SKAP1: variants seen among roughly 807,000 people sequenced by gnomAD.
SKAP1 encodes src kinase-associated phosphoprotein 1.
SKAP1 carries 44 observed loss-of-function variants against 58.5 expected under a neutral mutation model. The ratio of observed to expected loss-of-function variants is 0.75; its 90% CI spans 0.59 to 0.97. The LOEUF is 0.97. SKAP1 is among the 50% of genes least tolerant of loss of function. SKAP1 has a pLI of 0.00. For synonymous variants in SKAP1, 127 were observed against 149.7 expected, an observed-to-expected ratio of 0.85 and a Z score of 1.11; for missense variants, 390 against 435.2, an observed-to-expected ratio of 0.90 and a Z score of 0.92.
intron 2 of SKAP1, among the ~76,000 whole-genome samples, chr17:48,386,951 T>C (rs1319855402): frequency 1.3e-5 from 2 of 152,220 alleles, no homozygotes; most frequent in Non-Finnish European, 2.9e-5. Flanking sequence ...TATGGCAGCA[T>C]AGAACACTGG....
intron 11 of SKAP1, among the ~76,000 whole-genome samples, chr17:48,149,155 A>T (rs1236882197): frequency 6.6e-6 from 1 of 152,194 alleles, no homozygotes; most frequent in Admixed American, 6.5e-5. Context: ...CTCATTCAGG[A>T]CAAGTATACA....
At chr17:48,405,446 TTTCTTTTCTTTC>T (rs575992784) in intron 1 of SKAP1, among the ~76,000 whole-genome samples, 5,853 of 59,236 alleles carry the variant, frequency 0.099, 253 homozygotes, top group African/African-American at 0.17. Flanking sequence ...TCTTTCTTTC[TTTCTTTTCTTTC>T]TTTCTTTCCT....
At chr17:48,227,032 GT>G (rs1277817024) in intron 4 of SKAP1, among the ~76,000 whole-genome samples, 1 of 152,060 alleles carries the variant, frequency 6.6e-6, no homozygotes, top group Non-Finnish European at 1.5e-5. Flanking sequence ...TGGCTCTCTA[GT>G]TTTGGTTATT....
At chr17:48,137,825 C>G (rs751219047) in intron 11 of SKAP1, among the ~76,000 whole-genome samples, 1 of 152,188 alleles carries the variant, frequency 6.6e-6, no homozygotes, top group Non-Finnish European at 1.5e-5. Context: ...GCTTTGGAGT[C>G]AGACAGACTG....
At chr17:48,204,087 T>A (rs907462601) in intron 4 of SKAP1, 1 of 114,008 alleles carries the variant, frequency 8.8e-6, no homozygotes, top group East Asian at 6.0e-4. Flanking sequence ...ATTTTTTTCT[T>A]TTTTTTTTTT....
At chr17:48,187,577 G>C (rs1266888567) in intron 6 of SKAP1, among the ~76,000 whole-genome samples, 1 of 152,040 alleles carries the variant, frequency 6.6e-6, no homozygotes, top group Non-Finnish European at 1.5e-5. Context: ...ATTCAACTTT[G>C]ATAATGTGTT....
intron 4 of SKAP1, among the ~76,000 whole-genome samples, chr17:48,291,613 A>C (rs1398498523): frequency 6.6e-6 from 1 of 152,214 alleles, no homozygotes; most frequent in Non-Finnish European, 1.5e-5. Context: ...TGTTTACACC[A>C]AGTGCCATCT....
intron 4 of SKAP1, among the ~76,000 whole-genome samples, chr17:48,264,275 G>C (rs948368330): frequency 2.0e-5 from 3 of 148,020 alleles, no homozygotes; most frequent in Middle Eastern, 3.4e-3. Context: ...CACACACACA[G>C]AGATCAGAAA....
At chr17:48,138,418 G>A (rs1368392280) in intron 11 of SKAP1, among the ~76,000 whole-genome samples, 1 of 150,200 alleles carries the variant, frequency 6.7e-6, no homozygotes, top group African/African-American at 2.5e-5. Flanking sequence ...CTCCCAGGCT[G>A]GAGTGCAGTG....
chr17:48,175,068 G>A (rs1598396642), intron 9 of SKAP1, among the ~76,000 whole-genome samples: 1 of 152,162 alleles, frequency 6.6e-6, no homozygotes, highest in East Asian at 1.9e-4. Context: ...CTAATGAGAG[G>A]CTGAGAGGAA....
the SKAP1 span, among the ~76,000 whole-genome samples, chr17:48,442,310 AG>A: frequency 5.3e-5 from 8 of 152,208 alleles, no homozygotes; most frequent in African/African-American, 1.7e-4. Flanking sequence ...TATTTCTGGA[AG>A]AAATGGGTAG....
intron 8 of SKAP1, among the ~76,000 whole-genome samples, 175 bp downstream of exon 8, chr17:48,182,219 A>G (rs999455392): frequency 9.2e-5 from 14 of 152,230 alleles, no homozygotes; most frequent in African/African-American, 3.4e-4. Flanking sequence ...TACTGTCTTT[A>G]TCTTCTCATT....
chr17:48,381,771 G>A (rs1160786025), intron 2 of SKAP1, among the ~76,000 whole-genome samples: 1 of 152,176 alleles, frequency 6.6e-6, no homozygotes, highest in Non-Finnish European at 1.5e-5. Flanking sequence ...CAAGGTAAGT[G>A]TATTGTATAA....
intron 11 of SKAP1, among the ~76,000 whole-genome samples, chr17:48,142,387 G>A (rs1195132094): frequency 3.3e-5 from 5 of 152,100 alleles, no homozygotes; most frequent in South Asian, 2.1e-4. Flanking sequence ...GCTTGAACCC[G>A]GGAGGCGGAG....
intron 1 of SKAP1, among the ~76,000 whole-genome samples, chr17:48,423,133 C>T (rs891455846): frequency 2.6e-5 from 4 of 152,100 alleles, no homozygotes; most frequent in African/African-American, 7.2e-5. Flanking sequence ...TGAACAACAA[C>T]AACAAAAAGT....
chr17:48,293,791 G>A (rs1043903314), intron 4 of SKAP1, among the ~76,000 whole-genome samples: 2 of 152,154 alleles, frequency 1.3e-5, no homozygotes, highest in African/African-American at 2.4e-5. Flanking sequence ...CACCTTTGTC[G>A]GATGAACAGT....
chr17:48,201,785 G>C (rs2064731064), intron 4 of SKAP1, among the ~76,000 whole-genome samples: 2 of 152,156 alleles, frequency 1.3e-5, no homozygotes, highest in Admixed American at 6.5e-5. Flanking sequence ...CTCCAGAACA[G>C]GGTTCAGAAG....
chr17:48,280,193 C>T (rs533502966), intron 4 of SKAP1, among the ~76,000 whole-genome samples: 16 of 152,158 alleles, frequency 1.1e-4, no homozygotes, highest in Admixed American at 8.5e-4. Flanking sequence ...CTTGGCCAGG[C>T]GCTATGGCTC....
At chr17:48,312,557 G>A (rs2066236101) in intron 4 of SKAP1, among the ~76,000 whole-genome samples, 1 of 152,074 alleles carries the variant, frequency 6.6e-6, no homozygotes, top group Non-Finnish European at 1.5e-5. Context: ...AAGATTTGAG[G>A]GCTATTTCTT....
Sources: allele counts gnomAD v4.1 joint callset (sites outside exome capture counted in the v4.1 genomes callset), GRCh38; gene constraint gnomAD v4.1.1; transcripts MANE v1.5; gene names NCBI Gene and HGNC (gene_info 2026-07-23, HGNC 2026-07-21).